Variants in RAB38 observed in about 807,000 individuals in gnomAD.
RAB38 encodes RAB38, member RAS oncogene family.
Under a neutral mutation model 18.4 loss-of-function variants are expected in RAB38, and 15 were observed. The observed-to-expected ratio is 0.82, with a 90% CI of 0.55 to 1.26. The LOEUF is 1.26. Ranked by LOEUF, RAB38 falls within the 50% of genes most tolerant of loss-of-function variation. RAB38 has a pLI of 0.00. For missense variants in RAB38, 294 were observed against 267.4 expected (o/e 1.10, Z -0.69); for synonymous variants, 101 against 104.4 (o/e 0.97, Z 0.20).
chr11:88,140,413 T>C (rs1053354011), intron 2 of RAB38, among the ~76,000 whole-genome samples: 2 of 152,226 alleles, frequency 1.3e-5, no homozygotes, highest in African/African-American at 4.8e-5. Context: ...TTTTGAAAGA[T>C]TCCTTAAAAG....
chr11:87,933,185 A>T, the RAB38 span, among the ~76,000 whole-genome samples: 1 of 152,160 alleles, frequency 6.6e-6, no homozygotes, highest in Non-Finnish European at 1.5e-5. Context: ...AATCAGAGAT[A>T]TGAAAAGAAA....
chr11:88,111,934 C>T (rs546525989), downstream of RAB38, among the ~76,000 whole-genome samples: 10 of 152,306 alleles, frequency 6.6e-5, no homozygotes, highest in South Asian at 1.9e-3. Context: ...AGTATTTTGC[C>T]AATGTAGTTC....
At chr11:87,836,679 C>T in the RAB38 span, among the ~76,000 whole-genome samples, 2 of 152,124 alleles carry the variant, frequency 1.3e-5, no homozygotes, top group Non-Finnish European at 2.9e-5. Context: ...TTTTCCATGG[C>T]CTTCAGGATA....
At chr11:88,165,262 G>A (rs1360435608) in intron 1 of RAB38, among the ~76,000 whole-genome samples, 1 of 152,112 alleles carries the variant, frequency 6.6e-6, no homozygotes, top group Admixed American at 6.5e-5. Context: ...ACAAATCTCA[G>A]TGCATATCCC....
the RAB38 span, among the ~76,000 whole-genome samples, chr11:87,917,699 C>T: frequency 3.5e-4 from 53 of 152,028 alleles, no homozygotes; most frequent in Admixed American, 2.8e-3. Flanking sequence ...TGCTGTGAGG[C>T]TCCCTGTGAG....
the RAB38 span, among the ~76,000 whole-genome samples, chr11:87,850,954 C>G: frequency 6.6e-6 from 1 of 152,062 alleles, no homozygotes; most frequent in African/African-American, 2.4e-5. Flanking sequence ...TGTAAAATTC[C>G]AACATACACA....
chr11:87,812,030 C>G, the RAB38 span, among the ~76,000 whole-genome samples: 2 of 152,292 alleles, frequency 1.3e-5, no homozygotes, highest in African/African-American at 4.8e-5. Flanking sequence ...CTCCAAAAAG[C>G]TTTGCCAGAG....
the RAB38 span, among the ~76,000 whole-genome samples, chr11:88,018,432 T>C: frequency 1.3e-5 from 2 of 152,142 alleles, no homozygotes. Context: ...AATCCTCCCT[T>C]TATCCTTCCA....
At chr11:87,873,740 T>C in the RAB38 span, among the ~76,000 whole-genome samples, 1 of 151,368 alleles carries the variant, frequency 6.6e-6, no homozygotes, top group African/African-American at 2.4e-5. Flanking sequence ...TGTTTTTGCT[T>C]CTTTGTCAAA....
At chr11:87,975,455 G>A in the RAB38 span, among the ~76,000 whole-genome samples, 3 of 151,862 alleles carry the variant, frequency 2.0e-5, no homozygotes. Context: ...TCTTCAGATA[G>A]AATGAAAATA....
chr11:87,939,159 T>C, the RAB38 span, among the ~76,000 whole-genome samples: 3 of 152,102 alleles, frequency 2.0e-5, no homozygotes, highest in Non-Finnish European at 2.9e-5. Context: ...AGAGCTCCCA[T>C]TAAGTTGCTA....
chr11:88,120,824 C>T (rs893615824), intron 2 of RAB38, among the ~76,000 whole-genome samples: 1 of 152,184 alleles, frequency 6.6e-6, no homozygotes, highest in Non-Finnish European at 1.5e-5. Flanking sequence ...AAAGTTCTCC[C>T]TCCCATCACC....
the RAB38 span, among the ~76,000 whole-genome samples, chr11:88,084,268 G>T: frequency 6.6e-6 from 1 of 151,546 alleles, no homozygotes; most frequent in African/African-American, 2.4e-5. Flanking sequence ...GAGGAGAAAA[G>T]AATTTTGTGT....
At chr11:88,124,599 C>CCCAACCCTCACAAATTCCTGACG (rs1942670549) in intron 2 of RAB38, among the ~76,000 whole-genome samples, 1 of 152,194 alleles carries the variant, frequency 6.6e-6, no homozygotes, top group Non-Finnish European at 1.5e-5. Flanking sequence ...AACCTGTCGA[C>CCCAACCCTCACAAATTCCTGACG]CCAACCCTCA....
the RAB38 span, among the ~76,000 whole-genome samples, chr11:88,107,618 T>C: frequency 9.2e-5 from 14 of 152,132 alleles, no homozygotes; most frequent in Non-Finnish European, 2.9e-5. Flanking sequence ...CTCTATCTCC[T>C]TCGGTTCTGC....
At chr11:87,860,074 C>G in the RAB38 span, among the ~76,000 whole-genome samples, 1 of 151,812 alleles carries the variant, frequency 6.6e-6, no homozygotes, top group African/African-American at 2.4e-5. Context: ...CTTAGCAGGG[C>G]GATGGAGGAG....
In RAB38 at chr11:88,161,297, T is replaced by G. The variant is rs35428423; in HGVS notation, c.203-11342A>C. 5.6e-3 allele frequency among the ~76,000 whole-genome samples: 853 copies of G among 152,206 alleles called. 5 individuals are homozygous for G. The highest frequency in any genetic ancestry group is 0.02 in the African/African-American group (813 of 41,564). On this transcript the variant is annotated intron_variant, in intron 1 of 2. Coordinates refer to ENST00000243662, the MANE Select transcript of RAB38 (RefSeq NM_022337.3). ...AAATCTTTGTGCCCAAAGCCTGAAT[T>G]CCCTCCTCATCTCTACTCCCACTCT...
the RAB38 span, among the ~76,000 whole-genome samples, chr11:87,903,862 C>A: frequency 6.6e-6 from 1 of 151,158 alleles, no homozygotes; most frequent in Admixed American, 6.6e-5. Context: ...CTTTTATTGT[C>A]AGTAGCATAT....
the RAB38 span, among the ~76,000 whole-genome samples, chr11:88,105,423 A>G: frequency 6.6e-6 from 1 of 152,164 alleles, no homozygotes; most frequent in Non-Finnish European, 1.5e-5. Flanking sequence ...TGAGTTATAG[A>G]AAAATCAATG....
Sources: gnomAD v4.1 joint callset for allele counts (sites outside exome capture counted in the v4.1 genomes callset) on GRCh38, gnomAD v4.1.1 for gene constraint, MANE v1.5 for transcripts, NCBI Gene and HGNC (gene_info 2026-07-23, HGNC 2026-07-21) for gene names.